GPR19: variants seen among roughly 807,000 people sequenced by gnomAD.
GPR19 encodes the protein probable G protein-coupled receptor 19.
In GPR19, 14 loss-of-function variants were observed where a neutral mutation model predicts 28.5. The observed-to-expected ratio is 0.49, with a 90% CI of 0.32 to 0.77. The LOEUF is 0.77. GPR19 is among the 30% of genes least tolerant of loss of function. The pLI is 0.03. For synonymous variants in GPR19, 173 were observed against 184.1 expected, an observed-to-expected ratio of 0.94 and a Z score of 0.49; for missense variants, 409 against 504.1, an observed-to-expected ratio of 0.81 and a Z score of 1.81.
chr12:12,671,377 G>A (rs574782792), intron 3 of GPR19, among the ~76,000 whole-genome samples: 1 of 151,920 alleles, frequency 6.6e-6, no homozygotes, highest in Non-Finnish European at 1.5e-5. Context: ...TGAAAACAGA[G>A]CTTCTTTCCA....
At chr12:12,669,887 G>T (rs1945833242) in intron 3 of GPR19, among the ~76,000 whole-genome samples, 1 of 152,124 alleles carries the variant, frequency 6.6e-6, no homozygotes, top group Middle Eastern at 3.2e-3. Context: ...AAAGACTCTG[G>T]TGTATGTGTG....
intron 3 of GPR19, among the ~76,000 whole-genome samples, chr12:12,678,820 A>G (rs1341907459): frequency 6.6e-6 from 1 of 152,212 alleles, no homozygotes; most frequent in African/African-American, 2.4e-5. Flanking sequence ...ATTTTGAGAC[A>G]GAGTCGCACT....
At chr12:12,672,993 T>A (rs1945876139) in intron 3 of GPR19, among the ~76,000 whole-genome samples, 1 of 152,114 alleles carries the variant, frequency 6.6e-6, no homozygotes, top group African/African-American at 2.4e-5. Context: ...ATGTCAATAA[T>A]TCAGAAATGA....
upstream of GPR19, among the ~76,000 whole-genome samples, chr12:12,700,843 AT>A (rs1294932656): frequency 6.6e-6 from 1 of 152,230 alleles, no homozygotes; most frequent in Non-Finnish European, 1.5e-5. Context: ...AAAAATCTCA[AT>A]AAATTTTATA....
the GPR19 span, among the ~76,000 whole-genome samples, chr12:12,710,536 G>A: frequency 0.14 from 21,339 of 151,916 alleles, 1,918 homozygotes; most frequent in East Asian, 0.31. Flanking sequence ...CTCCAGTATT[G>A]TCTCTTTTGC....
chr12:12,683,746 T>G (rs1240072859), intron 3 of GPR19, among the ~76,000 whole-genome samples: 1 of 152,214 alleles, frequency 6.6e-6, no homozygotes, highest in East Asian at 1.9e-4. Flanking sequence ...GGCTGATTAT[T>G]TTAGCCTGTA....
chr12:12,662,362 A>T lies in GPR19; in HGVS notation c.87T>A (p.Thr29=). The part of the protein sequence containing the change: ...LLVPLQNRSC[T]ETATPLPSQY... ...GGCTTGGCAGAGGTGTGGCTGTTTC[A>T]GTGCAGCTGCGGTTTTGGAGGGGCA... is the stretch of plus-strand genomic sequence containing the variant. The change falls in exon 4 of 4, where the codon ACT becomes ACA. Residue 29 remains threonine, a synonymous_variant. Transcript: ENST00000651487. 6.2e-7 allele frequency: 1 copy of T among 1,614,214 alleles called. No individual in the cohort carries two copies. The highest frequency in any genetic ancestry group is 8.5e-7 in the Non-Finnish European group (1 of 1,180,034).
intron 3 of GPR19, among the ~76,000 whole-genome samples, chr12:12,677,704 TAGAC>T (rs1326997872): frequency 2.6e-5 from 4 of 152,210 alleles, no homozygotes; most frequent in Admixed American, 6.5e-5. Flanking sequence ...TTCAGTATAT[TAGAC>T]AGTTTATAAA....
At chr12:12,692,774 C>T (rs939334540) in intron 2 of GPR19, among the ~76,000 whole-genome samples, 1 of 151,922 alleles carries the variant, frequency 6.6e-6, no homozygotes, top group Non-Finnish European at 1.5e-5. Flanking sequence ...CTACTGGCCT[C>T]CAGCAGCTGA....
intron 2 of GPR19, among the ~76,000 whole-genome samples, chr12:12,691,120 G>T (rs906489604): frequency 6.6e-6 from 1 of 151,168 alleles, no homozygotes; most frequent in Admixed American, 6.6e-5. Flanking sequence ...TTTCCACGCT[G>T]GTGGATAAGC....
upstream of GPR19, among the ~76,000 whole-genome samples, chr12:12,700,304 C>T (rs1215688087): frequency 2.0e-5 from 3 of 152,076 alleles, no homozygotes; most frequent in African/African-American, 7.2e-5. Context: ...TCTTCCACCT[C>T]AGCCTCCCAA....
chr12:12,680,528 A>G (rs1456758903), intron 3 of GPR19, among the ~76,000 whole-genome samples: 2 of 152,138 alleles, frequency 1.3e-5, no homozygotes, highest in African/African-American at 4.8e-5. Flanking sequence ...GTTTTTTGAG[A>G]TAGGGTCTTG....
chr12:12,716,676 T>C, the GPR19 span: 6 of 799,688 alleles, frequency 7.5e-6, no homozygotes, highest in Non-Finnish European at 9.1e-6. Flanking sequence ...GAGTTCATGA[T>C]AAGTGCCGCG....
chr12:12,662,089 AG>A lies in GPR19; in HGVS notation c.359del (p.Pro120LeufsTer42). 6.2e-7 allele frequency: 1 copy of A among 1,614,244 alleles called. No homozygotes were observed. The highest frequency in any genetic ancestry group is 8.5e-7 in the Non-Finnish European group (1 of 1,180,034). On this transcript the variant is annotated frameshift_variant, in exon 4 of 4. Coordinates refer to ENST00000651487, the MANE Select transcript of GPR19 (RefSeq NM_006143.3). LOFTEE classifies it high-confidence loss of function. Reference protein sequence around the residue: ...ADLLISVASTPFVLLQFTTGR... With the variant: ...ADLLISVASTXFVLLQFTTGR... ...CAGTGGTGAACTGGAGCAGGACGAA[AG>A]GCGTGCTGGCAACGCTGATGAGAAG...
intron 2 of GPR19, among the ~76,000 whole-genome samples, chr12:12,692,230 CTCTACT>C (rs1946191516): frequency 6.6e-6 from 1 of 152,188 alleles, no homozygotes; most frequent in African/African-American, 2.4e-5. Context: ...GGGGACAAAA[CTCTACT>C]TCTATGAATT....
rs143444328 is a variant in GPR19, at chr12:12,666,904, C to T, written c.-22-4434G>A. Among the ~76,000 whole-genome samples, 69 of 152,282 alleles carry T rather than the reference C, an allele frequency of 4.5e-4. No homozygotes were observed. In the East Asian group the frequency reaches 0.011, roughly 24 times the overall value. ...GGTGAAACTGAAGCTACCAGGTCAA[C>T]TGCTATATGAAACAGATATCTCATC... On this transcript the variant is annotated intron_variant, in intron 3 of 3. Transcript: ENST00000651487.
intron 3 of GPR19, among the ~76,000 whole-genome samples, chr12:12,674,402 C>T (rs1945902564): frequency 6.6e-6 from 1 of 151,892 alleles, no homozygotes; most frequent in South Asian, 2.1e-4. Context: ...ATGCTGTGAT[C>T]ACACCACTGC....
Position 12,662,346 on chromosome 12 carries a change from G to A in GPR19, c.103C>T (p.Leu35=), listed in dbSNP as rs1227491220. ...NRSCTETATP[L]PSQYLMELSE... ...AATTCCATCAGGTATTGGCTTGGCA[G>A]AGGTGTGGCTGTTTCAGTGCAGCTG... The change falls in exon 4 of 4, where the codon CTG becomes TTG. Residue 35 remains leucine, a synonymous_variant. Transcript: ENST00000651487. 1.1e-5 allele frequency: 17 copies of A among 1,614,122 alleles called. No individual in the cohort carries two copies. Among genetic ancestry groups the A allele is most frequent in the Middle Eastern group, 3.3e-4 (2 of 6,084 alleles).
rs1945776281 is a variant in GPR19 at position 12,666,224 on chromosome 12, A to G, written c.-22-3754T>C. Among the ~76,000 whole-genome samples the G allele has an allele frequency of 3.3e-5, 5 of 152,284 alleles. No individual in the cohort carries two copies. In the South Asian group the frequency reaches 1.0e-3, roughly 32 times the overall value. ...TATAGTTTCTAAATGCCCTACAATC[A>G]AACTGATCTAAATTTTTCCCCTGGT... On this transcript the variant is annotated intron_variant, in intron 3 of 3. Coordinates refer to ENST00000651487, the MANE Select transcript of GPR19 (RefSeq NM_006143.3).
Sources: allele counts gnomAD v4.1 joint callset (sites outside exome capture counted in the v4.1 genomes callset), GRCh38; gene constraint gnomAD v4.1.1; transcripts MANE v1.5; gene names NCBI Gene and HGNC (gene_info 2026-07-23, HGNC 2026-07-21).